KDM4F: variants seen among roughly 807,000 people sequenced by gnomAD.
KDM4F encodes the protein lysine demethylase 4F, also known as probable lysine-specific demethylase 4F.
For missense variants in KDM4F, 586 were observed against 496.4 expected (o/e 1.18, Z -1.71); for synonymous variants, 223 against 184.4 (o/e 1.21, Z -1.70).
exon 1 of KDM4F, chr11:95,050,234 T>G: frequency 6.4e-7 from 1 of 1,550,458 alleles, no homozygotes; most frequent in Non-Finnish European, 8.9e-7. Context: ...TCATGGTGAC[T>G]TTTCCCTATG....
exon 1 of KDM4F, chr11:95,050,375 G>T: frequency 3.0e-6 from 3 of 991,792 alleles, no homozygotes; most frequent in East Asian, 4.7e-5. Flanking sequence ...CCTTTTCCAT[G>T]GATGCCTTCG....
exon 1 of KDM4F, chr11:95,050,939 T>C: frequency 4.1e-6 from 2 of 484,466 alleles, no homozygotes; most frequent in Non-Finnish European, 7.2e-6. Flanking sequence ...GCTGCTGTTG[T>C]GCCCCTGATC....
exon 1 of KDM4F, chr11:95,051,231 G>T (rs1044850204): frequency 7.5e-6 from 3 of 398,698 alleles, no homozygotes; most frequent in East Asian, 7.1e-5. Context: ...ATCTGCTGGG[G>T]CTAAAGCCAG....
In KDM4F at chr11:95,050,908, C is replaced by G. The variant is rs562960142; in HGVS notation, c.1487C>G (p.Pro496Arg). ...CCCGCACCTTTGAGCGGTGGCCTTC[C>G]GCATTTTGCAAAGGCTTCTGGCTGC... The change falls in exon 1 of 1, where the codon CCG (proline) becomes CGG (arginine). Residue 496 changes from proline to arginine, a missense_variant. Coordinates refer to ENST00000545950, the Ensembl canonical transcript of KDM4F. The G allele has an allele frequency of 5.1e-5, 25 of 494,206 alleles. No individual in the cohort carries two copies. In the East Asian group the frequency reaches 7.7e-4, roughly 15 times the overall value. 30.6% of individuals were successfully genotyped at this position (494,206 alleles called of 1,614,324 possible).
chr11:95,049,524 A>G (rs1408727235), exon 1 of KDM4F: 2 of 1,591,848 alleles, frequency 1.3e-6, no homozygotes, highest in Non-Finnish European at 1.7e-6. Context: ...TGTTGCTTAC[A>G]TGGAGTCCCA....
exon 1 of KDM4F, chr11:95,050,988 A>C (rs1339839301): frequency 1.1e-5 from 5 of 457,516 alleles, no homozygotes; most frequent in Non-Finnish European, 1.9e-5. Context: ...TGATGAACCC[A>C]TGCACCCTGG....
exon 1 of KDM4F, chr11:95,050,189 C>T (rs899382042): frequency 2.1e-5 from 32 of 1,546,660 alleles, no homozygotes; most frequent in African/African-American, 2.7e-5. Flanking sequence ...AGAATGGGAT[C>T]CCCTTCAATC....
chr11:95,050,858 C>T (rs115926964), exon 1 of KDM4F: 232 of 537,504 alleles, frequency 4.3e-4, no homozygotes, highest in African/African-American at 3.6e-3. Context: ...AGCTCCAGTT[C>T]GCCGATGAAG....
chr11:95,049,982 T>C (rs2848446), exon 1 of KDM4F: 130 of 1,613,982 alleles, frequency 8.1e-5, no homozygotes, highest in Admixed American at 4.0e-4. Flanking sequence ...CCACGTTTGC[T>C]TGGCACACGG....
exon 1 of KDM4F, chr11:95,050,740 G>A: frequency 7.7e-6 from 5 of 646,234 alleles, no homozygotes; most frequent in Non-Finnish European, 1.1e-5. Context: ...GGTCGAGGCC[G>A]TGGTCGTCGT....
chr11:95,050,356 C>A, exon 1 of KDM4F: 5 of 1,100,780 alleles, frequency 4.5e-6, no homozygotes, highest in South Asian at 1.3e-5. Context: ...TGTGGCGAGG[C>A]GAGAGTGACC....
chr11:95,050,922 G>A (rs1365415933), exon 1 of KDM4F: 11 of 490,676 alleles, frequency 2.2e-5, no homozygotes, highest in Non-Finnish European at 3.9e-5. Context: ...TTTTGCAAAG[G>A]CTTCTGGCTG....
the KDM4F span, chr11:95,050,691 T>TG: frequency 4.8e-5 from 30 of 625,332 alleles, no homozygotes; most frequent in Non-Finnish European, 6.6e-5. Flanking sequence ...CACTGGAAGG[T>TG]GGGGTCCTTG....
exon 1 of KDM4F, chr11:95,050,967 C>G (rs1858505884): frequency 2.1e-6 from 1 of 477,384 alleles, no homozygotes; most frequent in Non-Finnish European, 3.7e-6. Context: ...CCTGGGGCCC[C>G]CACTGGATCC....
exon 1 of KDM4F, chr11:95,050,817 A>T (rs1555105454): frequency 1.7e-6 from 1 of 592,476 alleles, no homozygotes. Flanking sequence ...CTCAGTGGGG[A>T]CAGGGAGCAG....
chr11:95,050,131 G>C (rs948133389), exon 1 of KDM4F: 47 of 1,556,738 alleles, frequency 3.0e-5, no homozygotes, highest in Middle Eastern at 1.7e-4. Context: ...GGCTGTGAGG[G>C]CTTCCTGCGG....
exon 1 of KDM4F, chr11:95,051,097 G>T: frequency 2.5e-6 from 1 of 405,836 alleles, no homozygotes; most frequent in South Asian, 1.2e-4. Context: ...ACATTGTCCA[G>T]GGACACTGGT....
the KDM4F span, chr11:95,049,638 C>T: frequency 1.3e-6 from 2 of 1,599,018 alleles, no homozygotes; most frequent in Non-Finnish European, 1.7e-6. Flanking sequence ...CACTCCCCTC[C>T]AGCAGGTGAC....
the KDM4F span, chr11:95,049,582 G>A: frequency 6.3e-7 from 1 of 1,598,346 alleles, no homozygotes. Context: ...CCCAAGGAAT[G>A]GAAAGCCAGA....
Sources: gnomAD v4.1 joint callset for allele counts on GRCh38, gnomAD v4.1.1 for gene constraint, MANE v1.5 for transcripts, NCBI Gene and HGNC (gene_info 2026-07-23, HGNC 2026-07-21) for gene names.